The following PPP1R42 variants were observed in gnomAD, a reference collection of about 807,000 sequenced individuals.
PPP1R42 encodes protein phosphatase 1 regulatory subunit 42.
In PPP1R42, 34 loss-of-function variants were observed where a neutral mutation model predicts 31.0. That is an observed-to-expected ratio of 1.10 (90% CI 0.83 to 1.46). PPP1R42 has a LOEUF of 1.46. Ranked by LOEUF, PPP1R42 falls within the 40% of genes most tolerant of loss-of-function variation. The probability of loss-of-function intolerance (pLI) is 0.00; values close to 1 mark genes in which losing one functional copy is unlikely to be tolerated. For synonymous variants in PPP1R42, 103 were observed against 109.8 expected (o/e 0.94, Z 0.39); for missense variants, 268 against 303.0 (o/e 0.88, Z 0.86).
intron 5 of PPP1R42, among the ~76,000 whole-genome samples, chr8:66,998,130 GAAAA>G (rs1391959210): frequency 6.6e-6 from 1 of 151,864 alleles, no homozygotes; most frequent in Non-Finnish European, 1.5e-5. Flanking sequence ...ATCAAAACCA[GAAAA>G]AAAGTCTATT....
At chr8:67,020,815 G>T (rs1816191832) in intron 1 of PPP1R42, among the ~76,000 whole-genome samples, 1 of 152,224 alleles carries the variant, frequency 6.6e-6, no homozygotes, top group South Asian at 2.1e-4. Context: ...CCGGGGGGCG[G>T]TGGTGCGTGT....
intron 6 of PPP1R42, 51 bp downstream of exon 6, chr8:66,988,349 A>C: frequency 7.7e-7 from 1 of 1,302,256 alleles, no homozygotes; most frequent in Non-Finnish European, 9.8e-7. Flanking sequence ...AATAACCAAA[A>C]AGTTAACTAG....
At chr8:66,981,925 AC>A in intron 7 of PPP1R42, 123 bp downstream of exon 7, 1 of 1,018,420 alleles carries the variant, frequency 9.8e-7, no homozygotes, top group Non-Finnish European at 1.3e-6. Flanking sequence ...GTTTTAAAAA[AC>A]CCCATAAAAC....
intron 7 of PPP1R42, chr8:66,971,188 T>C: frequency 1.5e-6 from 2 of 1,360,532 alleles, no homozygotes; most frequent in South Asian, 1.6e-5. Context: ...AATTAATAAC[T>C]AAATTTTTAA....
intron 5 of PPP1R42, among the ~76,000 whole-genome samples, chr8:66,999,393 T>G (rs1031231223): frequency 6.6e-6 from 1 of 152,152 alleles, no homozygotes; most frequent in Non-Finnish European, 1.5e-5. Flanking sequence ...GCTAATTTTT[T>G]TATTTTTAGT....
intron 5 of PPP1R42, among the ~76,000 whole-genome samples, chr8:67,000,271 CTTG>C (rs1168888416): frequency 6.6e-6 from 1 of 151,720 alleles, no homozygotes; most frequent in Non-Finnish European, 1.5e-5. Context: ...TTCCCTCATT[CTTG>C]TTGTCATTTT....
chr8:66,983,919 T>G (rs2130926185), intron 6 of PPP1R42, among the ~76,000 whole-genome samples: 1 of 152,348 alleles, frequency 6.6e-6, no homozygotes, highest in South Asian at 2.1e-4. Context: ...TTTTTATTAT[T>G]TATTTAAACA....
intron 5 of PPP1R42, among the ~76,000 whole-genome samples, chr8:67,002,467 G>A (rs1427320635): frequency 1.3e-5 from 2 of 152,154 alleles, no homozygotes; most frequent in Non-Finnish European, 2.9e-5. Flanking sequence ...CCAAAGTGTT[G>A]GGATTACAGG....
intron 7 of PPP1R42, among the ~76,000 whole-genome samples, chr8:66,978,256 T>C (rs1463665567): frequency 6.6e-6 from 1 of 152,076 alleles, no homozygotes; most frequent in African/African-American, 2.4e-5. Context: ...GGGAAACTGC[T>C]TATAAAATCA....
intron 5 of PPP1R42, among the ~76,000 whole-genome samples, chr8:67,002,756 T>C (rs1400618115): frequency 6.8e-6 from 1 of 147,714 alleles, no homozygotes; most frequent in African/African-American, 2.5e-5. Context: ...TTTTTTTCCG[T>C]GCTTTACTTT....
chr8:67,025,110 T>A (rs890544826), intron 1 of PPP1R42, among the ~76,000 whole-genome samples: 2 of 151,122 alleles, frequency 1.3e-5, no homozygotes, highest in Non-Finnish European at 2.9e-5. Flanking sequence ...GCTAATTTTT[T>A]ATTTTTTTTA....
At chr8:66,980,084 A>G (rs1814783743) in intron 7 of PPP1R42, among the ~76,000 whole-genome samples, 1 of 152,188 alleles carries the variant, frequency 6.6e-6, no homozygotes, top group Non-Finnish European at 1.5e-5. Flanking sequence ...CCAGCCAGGA[A>G]TGAACAGAGG....
intron 7 of PPP1R42, among the ~76,000 whole-genome samples, chr8:66,972,777 C>T (rs1320256729): frequency 6.6e-6 from 1 of 152,174 alleles, no homozygotes; most frequent in Non-Finnish European, 1.5e-5. Context: ...CCTATTTCCT[C>T]TAGCTCCTTT....
intron 3 of PPP1R42, among the ~76,000 whole-genome samples, chr8:67,014,059 G>A (rs746518638): frequency 3.4e-4 from 52 of 152,302 alleles, no homozygotes; most frequent in Non-Finnish European, 5.1e-4. Context: ...TCTGGGTTCC[G>A]TGGAAACTTC....
intron 5 of PPP1R42, among the ~76,000 whole-genome samples, chr8:67,003,906 C>G (rs565681133): frequency 9.5e-4 from 144 of 152,122 alleles, no homozygotes; most frequent in African/African-American, 3.4e-3. Flanking sequence ...CTGGCTAAGA[C>G]GGTGAAACCC....
intron 3 of PPP1R42, 66 bp downstream of exon 3, chr8:67,014,360 T>C: frequency 1.1e-6 from 1 of 951,862 alleles, no homozygotes; most frequent in Non-Finnish European, 1.5e-6. Flanking sequence ...AATGCCTTCA[T>C]GCAAAAAAAT....
At chr8:66,970,978 T>C in intron 7 of PPP1R42, 17 of 1,517,470 alleles carry the variant, frequency 1.1e-5, no homozygotes, top group Non-Finnish European at 1.4e-5. Context: ...TGAAAGAACC[T>C]ACCCCATCTC....
intron 5 of PPP1R42, among the ~76,000 whole-genome samples, chr8:66,989,548 T>C (rs1815130024): frequency 6.6e-6 from 1 of 152,232 alleles, no homozygotes. Context: ...ATTTTTAATA[T>C]CAGATACATT....
chr8:67,011,155 A>T (rs185380150), intron 4 of PPP1R42, among the ~76,000 whole-genome samples: 125 of 152,370 alleles, frequency 8.2e-4, no homozygotes, highest in Middle Eastern at 6.8e-3. Context: ...AGATGCCCCA[A>T]TAAACAAGTA....
Sources: gnomAD v4.1 joint callset for allele counts (sites outside exome capture counted in the v4.1 genomes callset) on GRCh38, gnomAD v4.1.1 for gene constraint, MANE v1.5 for transcripts, NCBI Gene and HGNC (gene_info 2026-07-23, HGNC 2026-07-21) for gene names.